ENPP1: variants seen among roughly 807,000 people sequenced by gnomAD.
ENPP1 encodes ectonucleotide pyrophosphatase/phosphodiesterase family member 1.
In ENPP1, 73 loss-of-function variants were observed where a neutral mutation model predicts 122.8. That is an observed-to-expected ratio of 0.59 (90% confidence interval 0.49 to 0.72). The LOEUF (loss-of-function observed/expected upper bound fraction) is 0.72. Ranked by LOEUF, ENPP1 falls within the 30% of genes least tolerant of loss-of-function variation. ENPP1 has a pLI of 0.00. For missense variants in ENPP1, 978 were observed against 1,128.1 expected (o/e 0.87, Z 1.91); for synonymous variants, 367 against 391.6 (o/e 0.94, Z 0.74).
chr6:131,841,250 C>T (rs1169648626), intron 1 of ENPP1, among the ~76,000 whole-genome samples: 1 of 152,144 alleles, frequency 6.6e-6, no homozygotes, highest in Non-Finnish European at 1.5e-5. Flanking sequence ...TGGATTTACT[C>T]AATAGGATCG....
intron 1 of ENPP1, among the ~76,000 whole-genome samples, chr6:131,816,946 C>T (rs1404093184): frequency 6.6e-6 from 1 of 152,134 alleles, no homozygotes; most frequent in Non-Finnish European, 1.5e-5. Context: ...CATTATTGTG[C>T]ATAAAAACCA....
chr6:131,850,209 T>G, intron 3 of ENPP1, 103 bp downstream of exon 3: 2 of 878,404 alleles, frequency 2.3e-6, no homozygotes, highest in Non-Finnish European at 3.9e-6. Context: ...CATTTGAATT[T>G]TTTTTAGTTT....
intron 1 of ENPP1, among the ~76,000 whole-genome samples, chr6:131,841,498 G>A (rs746683929): frequency 2.3e-4 from 35 of 152,142 alleles, no homozygotes; most frequent in Non-Finnish European, 4.4e-4. Flanking sequence ...TTTGTTGTAG[G>A]TATCTTTTAT....
Position 131,826,150 on chromosome 6 carries a change from G to C in ENPP1, c.240+17875G>C, listed in dbSNP as rs141761970. On this transcript the variant is annotated intron_variant, in intron 1 of 24. Transcript: ENST00000647893. ...AATGAACTCCAGATGAGTAAGGTTT[G>C]ACAGCTGACCCACATGAGGGGACAA... 170 of 860,296 alleles carry C rather than the reference G, an allele frequency of 2.0e-4. No homozygotes were observed. In the East Asian group the frequency reaches 2.0e-3, roughly 10 times the overall value. The allele number at this position is 860,296 out of a possible 1,614,324, so 53.3% of individuals were successfully genotyped here. A position where few individuals can be genotyped will look rare whatever the true frequency, so the allele number is the denominator to read the frequency against.
intron 9 of ENPP1, among the ~76,000 whole-genome samples, chr6:131,863,791 C>T (rs924425938): frequency 1.3e-5 from 2 of 151,732 alleles, no homozygotes; most frequent in Non-Finnish European, 2.9e-5. Flanking sequence ...TGGTGCACGC[C>T]TGTAGTCCCA....
At chr6:131,857,741 G>A (rs2114699220) in intron 6 of ENPP1, among the ~76,000 whole-genome samples, 1 of 152,244 alleles carries the variant, frequency 6.6e-6, no homozygotes, top group Non-Finnish European at 1.5e-5. Context: ...CATGACACAT[G>A]TATACATATG....
At chr6:131,839,553 C>A (rs1443799449) in intron 1 of ENPP1, among the ~76,000 whole-genome samples, 1 of 152,096 alleles carries the variant, frequency 6.6e-6, no homozygotes, top group African/African-American at 2.4e-5. Flanking sequence ...TCACTAATAC[C>A]CACATTAGTC....
chr6:131,875,936 T>C (rs1782226184), intron 17 of ENPP1, 73 bp downstream of exon 17: 6 of 1,221,770 alleles, frequency 4.9e-6, no homozygotes, highest in South Asian at 2.4e-5. Flanking sequence ...GCAGGTCACA[T>C]TGTAGGCAAC....
At chr6:131,832,551 A>T (rs562433580) in intron 1 of ENPP1, among the ~76,000 whole-genome samples, 2 of 152,272 alleles carry the variant, frequency 1.3e-5, no homozygotes, top group South Asian at 2.1e-4. Context: ...CAACTTGATA[A>T]ATTCATCTCT....
chr6:131,892,529 G>C lies in ENPP1; in HGVS notation c.*2018G>C, dbSNP rs1286625421. 1.3e-5 allele frequency: 2 copies of C among 152,168 alleles called. No individual in the cohort carries two copies. The highest frequency in any genetic ancestry group is 2.9e-5 in the Non-Finnish European group (2 of 68,036). The allele number at this position is 152,168 out of a possible 1,614,324, so 9.4% of individuals were successfully genotyped here. A position where few individuals can be genotyped will look rare whatever the true frequency, so the allele number is the denominator to read the frequency against. On this transcript the variant is annotated 3_prime_UTR_variant, in exon 25 of 25. Coordinates refer to ENST00000647893, the MANE Select transcript of ENPP1 (RefSeq NM_006208.3). ...TAATGCTATGGGACAGAGTGACCAG[G>C]AAGAGCTTCATTACACCAGGTGGGA...
At chr6:131,833,480 G>GT (rs1182388127) in intron 1 of ENPP1, among the ~76,000 whole-genome samples, 2 of 151,382 alleles carry the variant, frequency 1.3e-5, no homozygotes, top group Admixed American at 1.3e-4. Flanking sequence ...GTGGATTTTT[G>GT]TTTTTTTGGC....
In ENPP1 at chr6:131,862,148, G is replaced by A. The variant is rs375629605; in HGVS notation, c.1025+444G>A. 2.6e-5 allele frequency among the ~76,000 whole-genome samples: 4 copies of A among 151,892 alleles called. No homozygotes were observed. In the East Asian group the frequency reaches 5.8e-4, roughly 22 times the overall value. ...CACGTCATTGCACTCCAGCCTGGGCGACAAGAGCGAAACTCCCTATCAAAA... is the reference window on the plus strand; with the variant it reads ...CACGTCATTGCACTCCAGCCTGGGCAACAAGAGCGAAACTCCCTATCAAAA... On this transcript the variant is annotated intron_variant, in intron 9 of 24. Transcript: ENST00000647893.
intron 1 of ENPP1, among the ~76,000 whole-genome samples, chr6:131,844,353 A>G (rs565996094): frequency 6.6e-6 from 1 of 152,370 alleles, no homozygotes; most frequent in East Asian, 1.9e-4. Context: ...CTTTGCTGCT[A>G]GCTCATCAGT....
chr6:131,825,712 C>T (rs540751522), intron 1 of ENPP1, among the ~76,000 whole-genome samples: 5 of 152,194 alleles, frequency 3.3e-5, no homozygotes, highest in Middle Eastern at 3.4e-3. Flanking sequence ...AAGATATCAA[C>T]GTTCTTATAA....
At chr6:131,810,450 C>CG (rs71545015) in intron 1 of ENPP1, among the ~76,000 whole-genome samples, 2,008 of 132,802 alleles carry the variant, frequency 0.015, 51 homozygotes, top group African/African-American at 0.053. Flanking sequence ...CCAACCCCGC[C>CG]CCCCCCCCAA....
intron 17 of ENPP1, among the ~76,000 whole-genome samples, chr6:131,876,606 G>A (rs909796644): frequency 1.3e-5 from 2 of 152,162 alleles, no homozygotes; most frequent in Non-Finnish European, 2.9e-5. Flanking sequence ...CATTTAGTTA[G>A]TAACTTTGAG....
rs561566474 is a variant in ENPP1, at chr6:131,890,811, A to T, written c.*300A>T. ...TTCTCTTAAAGGAGAAGTAGCTGTG[A>T]ACATTGTCTGGATACCAGATATTTG... is the stretch of plus-strand genomic sequence containing the variant. On this transcript the variant is annotated 3_prime_UTR_variant, in exon 25 of 25. Transcript: ENST00000647893. 1 of 394,038 alleles carries T rather than the reference A, an allele frequency of 2.5e-6. No homozygotes were observed. Among genetic ancestry groups the T allele is most frequent in the African/African-American group, 2.0e-5 (1 of 49,072 alleles). The allele number at this position is 394,038 out of a possible 1,614,324, so 24.4% of individuals were successfully genotyped here. A position where few individuals can be genotyped will look rare whatever the true frequency, so the allele number is the denominator to read the frequency against.
chr6:131,859,397 GT>G (rs1032619458), intron 7 of ENPP1, among the ~76,000 whole-genome samples: 4 of 141,780 alleles, frequency 2.8e-5, no homozygotes, highest in East Asian at 4.2e-4. Flanking sequence ...TTTTTTTTTT[GT>G]TTTTTTGAGA....
chr6:131,866,628 G>A (rs1004409026), intron 11 of ENPP1, among the ~76,000 whole-genome samples: 3 of 152,122 alleles, frequency 2.0e-5, no homozygotes, highest in Admixed American at 1.3e-4. Flanking sequence ...CCCTCACCTA[G>A]GTCTGTTTTT....
Sources: allele counts gnomAD v4.1 joint callset (sites outside exome capture counted in the v4.1 genomes callset), GRCh38; gene constraint gnomAD v4.1.1; transcripts MANE v1.5; gene names NCBI Gene and HGNC (gene_info 2026-07-23, HGNC 2026-07-21).